The following CDAN1 variants were observed in gnomAD, a reference collection of about 807,000 sequenced individuals.
CDAN1 encodes codanin-1.
CDAN1 carries 107 observed loss-of-function variants against 139.8 expected under a neutral mutation model. The observed-to-expected ratio is 0.77, with a 90% confidence interval of 0.65 to 0.90. The LOEUF (loss-of-function observed/expected upper bound fraction) is 0.90, where lower values mean the gene tolerates loss of function less well. CDAN1 is among the 40% of genes least tolerant of loss of function. The pLI is 0.00. For missense variants in CDAN1, 1,667 were observed against 1,575.7 expected, an observed-to-expected ratio of 1.06 and a Z score of -0.98; for synonymous variants, 776 against 660.6, an observed-to-expected ratio of 1.17 and a Z score of -2.68.
At chr15:42,727,258 T>C (rs2061540990) in intron 23 of CDAN1, 1 of 210,696 alleles carries the variant, frequency 4.7e-6, no homozygotes, top group Admixed American at 5.3e-5. Flanking sequence ...ACCTCCCACA[T>C]AGAACATTTC....
chr15:42,732,039 A>T (rs1322384393), intron 10 of CDAN1, among the ~76,000 whole-genome samples: 1 of 152,254 alleles, frequency 6.6e-6, no homozygotes, highest in Non-Finnish European at 1.5e-5. Flanking sequence ...CACTAGAGCT[A>T]GGATCTGAAA....
At chr15:42,730,471 G>A in intron 14 of CDAN1, 127 bp downstream of exon 14, 2 of 1,157,190 alleles carry the variant, frequency 1.7e-6, no homozygotes, top group East Asian at 2.5e-5. Flanking sequence ...GCCTCTCCCA[G>A]GGCTCAGTTA....
intron 22 of CDAN1, 47 bp downstream of exon 22, chr15:42,727,908 C>A (rs767366816): frequency 2.5e-6 from 4 of 1,605,252 alleles, no homozygotes; most frequent in Non-Finnish European, 3.4e-6. Context: ...TCTGCCAGTC[C>A]ACTTTTTAAA....
At chr15:42,732,182 G>A in intron 10 of CDAN1, 151 bp downstream of exon 10, 1 of 794,376 alleles carries the variant, frequency 1.3e-6, no homozygotes, top group Non-Finnish European at 2.2e-6. Context: ...GGCCACTGGA[G>A]TTTCAGCCAC....
At position 42,729,080 on chromosome 15, in the gene CDAN1, C is replaced by G; in HGVS notation, c.2588G>C (p.Arg863Pro). 1.2e-6 allele frequency: 2 copies of G among 1,614,236 alleles called. No individual in the cohort carries two copies. The highest frequency in any genetic ancestry group is 2.2e-5 in the South Asian group (2 of 91,082). The change falls in exon 19 of 28, where the codon CGC becomes CCC. Residue 863 changes from arginine (R) to proline (P), a missense_variant. Around this residue, in one of 3 missense-constraint regions of CDAN1, gnomAD observed 936 missense variants for 844.1 expected, o/e 1.11. Coordinates refer to ENST00000356231, the MANE Select transcript of CDAN1 (RefSeq NM_138477.4). The part of the protein sequence containing the change: ...AFFHNQPPSL[R>P]RTVEFVAERI... ...TTCTGCCACGAACTCTACGGTCCGG[C>G]GCAAGGAGGGCGGCTGGTTGTGGAA...
At position 42,731,826 on chromosome 15, in the gene CDAN1, C is replaced by A; in HGVS notation, c.1534-1G>T. 6.2e-7 allele frequency: 1 copy of A among 1,613,794 alleles called. No individual in the cohort carries two copies. Among genetic ancestry groups the A allele is most frequent in the Non-Finnish European group, 8.5e-7 (1 of 1,179,830 alleles). ...CAGCACCACCAGGGCTCTGACACAT[C>A]TAGGGTGGAAGAGGAAGGAGAGAAA... On this transcript the variant is annotated splice_acceptor_variant, in intron 10 of 27. Transcript: ENST00000356231. LOFTEE classifies it high-confidence loss of function.
intron 23 of CDAN1, 59 bp downstream of exon 23, chr15:42,727,552 AAGGAAAAACC>A: frequency 7.2e-7 from 1 of 1,397,992 alleles, no homozygotes; most frequent in South Asian, 1.5e-5. Flanking sequence ...TGATGTGAGA[AAGGAAAAACC>A]AGGAACAGAG....
Position 42,737,088 on chromosome 15 carries a change from C to T in CDAN1, c.15G>A (p.Leu5=), listed in dbSNP as rs920091520. Residue 5 remains leucine, a synonymous_variant, in exon 1 of 28, where the codon TTG becomes TTA. Transcript: ENST00000356231. MAAV[L]ESLLREEVSV... ...ACACCTCTTCTCGCAGCAGCGACTC[C>T]AAAACGGCCGCCATCCCGGTCGGGG... The T allele has an allele frequency of 8.6e-6, 13 of 1,519,758 alleles. No homozygotes were observed. In the African/African-American group the frequency reaches 1.3e-4, roughly 15 times the overall value. 94.1% of individuals were successfully genotyped at this position (1,519,758 alleles called of 1,614,324 possible). A position where few individuals can be genotyped will look rare whatever the true frequency, so the allele number is the denominator to read the frequency against.
At chr15:42,724,739 G>T in intron 27 of CDAN1, 123 bp from the exon 28 acceptor site, 1 of 1,190,832 alleles carries the variant, frequency 8.4e-7, no homozygotes, top group Non-Finnish European at 1.2e-6. Flanking sequence ...CCTCCACACT[G>T]AAATGGACAT....
chr15:42,727,884 GA>G, intron 22 of CDAN1, 70 bp downstream of exon 22: 2 of 1,599,606 alleles, frequency 1.3e-6, no homozygotes, highest in South Asian at 2.2e-5. Context: ...TCGCCCACAA[GA>G]TGCCTCTGAC....
rs757121593 is a variant in CDAN1 at position 42,731,022 on chromosome 15, G to A, written c.1910C>T (p.Ala637Val). The A allele has an allele frequency of 6.2e-7, 1 of 1,614,182 alleles. No homozygotes were observed. Among genetic ancestry groups the A allele is most frequent in the Non-Finnish European group, 8.5e-7 (1 of 1,180,038 alleles). ...GAAAGCCACAAAGCCCAGGAATTTA[G>A]CCAAAAGTCTCAGGCTAAGAAGCAC... Reference protein sequence around the residue: ...AVVLLSLRLLAKFLGFVAFLP... With the variant: ...AVVLLSLRLLVKFLGFVAFLP... Residue 637 changes from alanine (A) to valine (V), a missense_variant, in exon 13 of 28, where the codon GCT becomes GTT. This residue lies in a region of CDAN1 where 936 missense variants were observed against 844.1 expected (regional missense o/e 1.11). Coordinates refer to ENST00000356231, the MANE Select transcript of CDAN1 (RefSeq NM_138477.4).
chr15:42,736,072 C>T lies in CDAN1; in HGVS notation c.576G>A (p.Lys192=). The change falls in exon 3 of 28, where the codon AAG becomes AAA. Residue 192 remains lysine, a synonymous_variant. Transcript: ENST00000356231. ...GSVPPGPTGT[K]PSRRINPTPV... Reference sequence around the variant, plus strand: ...GAGTTGGGTTGATCCTGCGAGAAGGCTTCGTCCTGCTGAGAGTAGCCACAG... The same window carrying T: ...GAGTTGGGTTGATCCTGCGAGAAGGTTTCGTCCTGCTGAGAGTAGCCACAG... 2 of 1,614,154 alleles carry T rather than the reference C, an allele frequency of 1.2e-6. No individual in the cohort carries two copies. The highest frequency in any genetic ancestry group is 1.1e-5 in the South Asian group (1 of 91,086).
intron 12 of CDAN1, 67 bp from the exon 13 acceptor site, chr15:42,731,138 T>A: frequency 6.2e-7 from 1 of 1,614,186 alleles, no homozygotes; most frequent in Non-Finnish European, 8.5e-7. Context: ...CGATCTGTTA[T>A]AAAGTTTTTC....
At position 42,735,524 on chromosome 15, in the gene CDAN1, G is replaced by A. The variant is rs2061676018; in HGVS notation, c.929C>T (p.Ser310Phe). ...QRLELVALVY[S>F]SCIAENLVPN... ...CTCTCACTCACCAGCAATGCACGAGGAGTAAACAAGGGCTACAAGCTCCAG... is the reference window on the plus strand; with the variant it reads ...CTCTCACTCACCAGCAATGCACGAGAAGTAAACAAGGGCTACAAGCTCCAG... Residue 310 changes from serine to phenylalanine, a missense_variant, in exon 4 of 28, where the codon TCC becomes TTC. Coordinates refer to ENST00000356231, the MANE Select transcript of CDAN1 (RefSeq NM_138477.4). 2 of 1,614,094 alleles carry A rather than the reference G, an allele frequency of 1.2e-6. No individual in the cohort carries two copies. Among genetic ancestry groups the A allele is most frequent in the East Asian group, 2.2e-5 (1 of 44,898 alleles).
Position 42,735,523 on chromosome 15 carries a change from G to A in CDAN1, c.930C>T (p.Ser310=), listed in dbSNP as rs775547318. The A allele has an allele frequency of 6.2e-7, 1 of 1,614,220 alleles. No homozygotes were observed. Among genetic ancestry groups the A allele is most frequent in the East Asian group, 2.2e-5 (1 of 44,886 alleles). Residue 310 remains serine, a synonymous_variant, in exon 4 of 28, where the codon TCC becomes TCT. Transcript: ENST00000356231. The part of the protein sequence containing the change: ...QRLELVALVY[S]SCIAENLVPN... ...GCTCTCACTCACCAGCAATGCACGAGGAGTAAACAAGGGCTACAAGCTCCA... is the reference window on the plus strand; with the variant it reads ...GCTCTCACTCACCAGCAATGCACGAAGAGTAAACAAGGGCTACAAGCTCCA...
At chr15:42,731,441 CCAGG>C in intron 11 of CDAN1, 110 bp from the exon 12 acceptor site, 1 of 1,526,176 alleles carries the variant, frequency 6.6e-7, no homozygotes, top group Non-Finnish European at 9.1e-7. Context: ...ACAGGGAGGC[CCAGG>C]AGCAATGAAA....
chr15:42,729,660 C>T (rs1433985405), intron 16 of CDAN1, 38 bp from the exon 17 acceptor site: 1 of 1,610,956 alleles, frequency 6.2e-7, no homozygotes, highest in South Asian at 1.1e-5. Flanking sequence ...ACTGCCCCTC[C>T]CCCAGCGCAC....
chr15:42,727,965 G>C lies in CDAN1; in HGVS notation c.2937C>G (p.Ala979=), dbSNP rs781767396. Residue 979 remains alanine, a synonymous_variant, in exon 22 of 28, where the codon GCC becomes GCG. Transcript: ENST00000356231. ...ATEKACAWLS[A]NITALIRREV... ...CATCCAGGACCTTACCTGTGATGTT[G>C]GCTGACAGCCAAGCACAGGCTTTCT... 4.7e-5 allele frequency: 76 copies of C among 1,613,984 alleles called. No homozygotes were observed. The highest frequency in any genetic ancestry group is 6.4e-5 in the Non-Finnish European group (75 of 1,179,860).
Position 42,735,339 on chromosome 15 carries a change from A to C in CDAN1, c.979T>G (p.Phe327Val). ...CGGGCAGTGAGGAGCTGAAAGACGA[A>C]GAAAAGCTCCAAGAAGAGGTTTGGT... The part of the protein sequence containing the change: ...LVPNLFLELF[F>V]VFQLLTARRM... Residue 327 changes from phenylalanine to valine, a missense_variant, in exon 5 of 28, where the codon TTC (phenylalanine) becomes GTC (valine). Coordinates refer to ENST00000356231, the MANE Select transcript of CDAN1 (RefSeq NM_138477.4). 1 of 1,609,432 alleles carries C rather than the reference A, an allele frequency of 6.2e-7. No individual in the cohort carries two copies. The highest frequency in any genetic ancestry group is 8.5e-7 in the Non-Finnish European group (1 of 1,177,658).
Sources: gnomAD v4.1 joint callset for allele counts (sites outside exome capture counted in the v4.1 genomes callset) on GRCh38, gnomAD v4.1.1 for gene constraint, gnomAD v4.1.1 regional missense constraint, MANE v1.5 for transcripts, NCBI Gene and HGNC (gene_info 2026-07-23, HGNC 2026-07-21) for gene names.